CAAP1: variants seen among roughly 807,000 people sequenced by gnomAD.
CAAP1 encodes conserved anti-apoptotic protein.
A neutral mutation model predicts 34.0 loss-of-function variants in CAAP1; 20 were observed. That is an observed-to-expected ratio of 0.59 (90% CI 0.41 to 0.86). The LOEUF (loss-of-function observed/expected upper bound fraction) is 0.86, where lower values mean the gene tolerates loss of function less well. Ranked by LOEUF, CAAP1 falls within the 40% of genes least tolerant of loss-of-function variation. The pLI, the probability that CAAP1 is intolerant of heterozygous loss-of-function variation, is 0.00. For missense variants in CAAP1, 538 were observed against 450.5 expected (o/e 1.19, Z -1.76); for synonymous variants, 213 against 166.7 (o/e 1.28, Z -2.14).
intron 5 of CAAP1, among the ~76,000 whole-genome samples, chr9:26,843,056 T>G (rs557536790): frequency 6.6e-6 from 1 of 152,190 alleles, no homozygotes; most frequent in African/African-American, 2.4e-5. Flanking sequence ...CTAGAAGGTG[T>G]TTAAATACTT....
intron 5 of CAAP1, among the ~76,000 whole-genome samples, chr9:26,849,743 A>G (rs1021464244): frequency 5.3e-5 from 8 of 152,180 alleles, no homozygotes; most frequent in Non-Finnish European, 1.0e-4. Context: ...AAGTACTAGC[A>G]GTGCCTTTGT....
chr9:26,889,634 GAGGGGGGCA>G (rs1339427583), intron 1 of CAAP1, among the ~76,000 whole-genome samples: 117 of 151,384 alleles, frequency 7.7e-4, no homozygotes, highest in African/African-American at 2.7e-3. Context: ...GTGGGAGGCT[GAGGGGGGCA>G]GATAACAAGG....
At chr9:26,850,839 TC>T (rs1822732614) in intron 5 of CAAP1, among the ~76,000 whole-genome samples, 2 of 152,226 alleles carry the variant, frequency 1.3e-5, no homozygotes, top group African/African-American at 4.8e-5. Flanking sequence ...AGGTTGACCA[TC>T]ATTTATAAAA....
At position 26,886,094 on chromosome 9, in the gene CAAP1, G is replaced by A; in HGVS notation, c.589+10C>T. Reference sequence around the variant, plus strand: ...AGAAGTTGCCAGAATGTAAAAATATGTATTCTTACCCTCAAGAATCTTCAA... The same window carrying A: ...AGAAGTTGCCAGAATGTAAAAATATATATTCTTACCCTCAAGAATCTTCAA... On this transcript the variant is annotated intron_variant, in intron 3 of 5. Transcript: ENST00000333916. 2.1e-6 allele frequency: 3 copies of A among 1,420,294 alleles called. No individual in the cohort carries two copies. In the South Asian group the frequency reaches 4.1e-5, roughly 20 times the overall value. 88.0% of individuals were successfully genotyped at this position (1,420,294 alleles called of 1,614,324 possible).
chr9:26,887,527 A>T lies in CAAP1; in HGVS notation c.304-14T>A. The T allele has an allele frequency of 6.7e-7, 1 of 1,497,484 alleles. No individual in the cohort carries two copies. The highest frequency in any genetic ancestry group is 9.1e-7 in the Non-Finnish European group (1 of 1,095,286). The allele number at this position is 1,497,484 out of a possible 1,614,324, so 92.8% of individuals were successfully genotyped here. A position where few individuals can be genotyped will look rare whatever the true frequency, so the allele number is the denominator to read the frequency against. Reference sequence around the variant, plus strand: ...ATATTTAGTTTCCTAAAGTTAAAAGAATAAAGAACCATTAAACAATACTAC... The same window carrying T: ...ATATTTAGTTTCCTAAAGTTAAAAGTATAAAGAACCATTAAACAATACTAC... On this transcript the variant is annotated splice_polypyrimidine_tract_variant and intron_variant, in intron 1 of 5. Transcript: ENST00000333916.
intron 4 of CAAP1, among the ~76,000 whole-genome samples, chr9:26,868,437 G>GA (rs1823191368): frequency 6.6e-6 from 1 of 152,198 alleles, no homozygotes; most frequent in Non-Finnish European, 1.5e-5. Context: ...ACTGGAAGCT[G>GA]AAAAGGGCAA....
At position 26,842,683 on chromosome 9, in the gene CAAP1, A is replaced by T. The variant is rs1167025184; in HGVS notation, c.740-36T>A. The T allele has an allele frequency of 1.4e-5, 21 of 1,495,804 alleles. No individual in the cohort carries two copies. In the East Asian group the frequency reaches 4.8e-4, roughly 34 times the overall value. 92.7% of individuals were successfully genotyped at this position (1,495,804 alleles called of 1,614,324 possible). ...AAAAGGAGAAAGATCCATGTAACCT[A>T]AATACCATGGGTCACAATTTCCTTA... is the stretch of plus-strand genomic sequence containing the variant. On this transcript the variant is annotated intron_variant, in intron 5 of 5. Transcript: ENST00000333916.
At chr9:26,855,997 C>T (rs967073831) in intron 5 of CAAP1, among the ~76,000 whole-genome samples, 1 of 152,120 alleles carries the variant, frequency 6.6e-6, no homozygotes, top group Non-Finnish European at 1.5e-5. Flanking sequence ...ATACTGAAAT[C>T]TTTGTGGTGC....
chr9:26,890,801 T>C (rs1419695943), intron 1 of CAAP1, among the ~76,000 whole-genome samples: 1 of 151,996 alleles, frequency 6.6e-6, no homozygotes. Context: ...AAAAATTAGC[T>C]GGGCGTCGTG....
At chr9:26,847,331 C>A (rs1157348818) in intron 5 of CAAP1, among the ~76,000 whole-genome samples, 1 of 150,080 alleles carries the variant, frequency 6.7e-6, no homozygotes, top group Non-Finnish European at 1.5e-5. Context: ...TCTCCCGCCT[C>A]AGCCTCCCAA....
intron 5 of CAAP1, among the ~76,000 whole-genome samples, chr9:26,858,318 G>A (rs554929131): frequency 2.0e-5 from 3 of 152,260 alleles, no homozygotes; most frequent in South Asian, 4.1e-4. Flanking sequence ...AGCCTATCAG[G>A]ATTTCTATTT....
Position 26,892,521 on chromosome 9 carries a change from G to T in CAAP1, c.195C>A (p.Thr65=). ...CGNANFSGSV[T]GGGSGGSCWG... ...AACAGCTGCCGCCGCTCCCACCGCC[G>T]GTGACACTTCCACTAAAATTGGCGT... The change falls in exon 1 of 6, where the codon ACC becomes ACA. Residue 65 remains threonine, a synonymous_variant. Transcript: ENST00000333916. 3 of 1,572,432 alleles carry T rather than the reference G, an allele frequency of 1.9e-6. No homozygotes were observed. The highest frequency in any genetic ancestry group is 1.7e-6 in the Non-Finnish European group (2 of 1,159,076).
intron 4 of CAAP1, among the ~76,000 whole-genome samples, chr9:26,870,459 G>C (rs1355173399): frequency 6.6e-6 from 1 of 150,968 alleles, no homozygotes; most frequent in Non-Finnish European, 1.5e-5. Flanking sequence ...TTCCAGAGTG[G>C]TTATCTAAGT....
chr9:26,885,951 A>G (rs1381736027), intron 3 of CAAP1, among the ~76,000 whole-genome samples, 153 bp downstream of exon 3: 2 of 152,184 alleles, frequency 1.3e-5, no homozygotes, highest in African/African-American at 2.4e-5. Flanking sequence ...TATGTAAACT[A>G]TATTTTTTAG....
Position 26,842,413 on chromosome 9 carries a change from G to A in CAAP1, c.974C>T (p.Pro325Leu), listed in dbSNP as rs759529664. 3 of 1,614,018 alleles carry A rather than the reference G, an allele frequency of 1.9e-6. No homozygotes were observed. Among genetic ancestry groups the A allele is most frequent in the Non-Finnish European group, 2.5e-6 (3 of 1,180,016 alleles). Residue 325 changes from proline (P) to leucine (L), a missense_variant, in exon 6 of 6, where the codon CCA becomes CTA. Physicochemically the swap from Pro to Leu is moderately conservative, Grantham distance 98. Coordinates refer to ENST00000333916, the MANE Select transcript of CAAP1 (RefSeq NM_024828.4). ...EPKAATLAVP[P>L]PEDVQPSAQQ... ...TGCAGAAGGTTGAACATCTTCTGGT[G>A]GAGGAACAGCCAGGGTGGCTGCTTT...
intron 5 of CAAP1, among the ~76,000 whole-genome samples, chr9:26,860,319 G>T (rs1389596323): frequency 2.0e-5 from 3 of 152,128 alleles, no homozygotes; most frequent in Non-Finnish European, 2.9e-5. Flanking sequence ...CTGCTAGCTG[G>T]TAATGTCAAA....
intron 4 of CAAP1, among the ~76,000 whole-genome samples, chr9:26,878,636 C>A (rs748797079): frequency 2.0e-5 from 3 of 152,102 alleles, no homozygotes; most frequent in Non-Finnish European, 4.4e-5. Flanking sequence ...CCACACAGTT[C>A]TCAGACCTCA....
chr9:26,885,189 G>C (rs1225855576), intron 3 of CAAP1, among the ~76,000 whole-genome samples: 3 of 149,122 alleles, frequency 2.0e-5, no homozygotes, highest in Non-Finnish European at 4.4e-5. Flanking sequence ...CAATTCTCCT[G>C]CCTCAGCCTC....
At chr9:26,887,758 A>C (rs540818485) in intron 1 of CAAP1, among the ~76,000 whole-genome samples, 22 of 152,290 alleles carry the variant, frequency 1.4e-4, no homozygotes, top group African/African-American at 5.3e-4. Flanking sequence ...ACACAAACAA[A>C]AGTATAGTAA....
Sources: allele counts gnomAD v4.1 joint callset (sites outside exome capture counted in the v4.1 genomes callset), GRCh38; gene constraint gnomAD v4.1.1; transcripts MANE v1.5; gene names NCBI Gene and HGNC (gene_info 2026-07-23, HGNC 2026-07-21).